The following DYNC1LI1 variants were observed in gnomAD, a reference collection of about 807,000 sequenced individuals.
DYNC1LI1 encodes the protein cytoplasmic dynein 1 light intermediate chain 1.
Under a neutral mutation model 63.8 loss-of-function variants are expected in DYNC1LI1, and 19 were observed. The observed-to-expected ratio is 0.30, with a 90% confidence interval of 0.21 to 0.44. The LOEUF (loss-of-function observed/expected upper bound fraction) is 0.44. DYNC1LI1 is among the 20% of genes least tolerant of loss of function. The pLI is 1.00. For missense variants in DYNC1LI1, 565 were observed against 630.2 expected, an observed-to-expected ratio of 0.90 and a Z score of 1.11; for synonymous variants, 225 against 232.3, an observed-to-expected ratio of 0.97 and a Z score of 0.28.
chr3:32,547,950 T>C (rs142442426), intron 2 of DYNC1LI1, among the ~76,000 whole-genome samples: 102 of 152,228 alleles, frequency 6.7e-4, no homozygotes, highest in African/African-American at 1.9e-3. Flanking sequence ...TATTGCATTG[T>C]GGGTATGTGT....
chr3:32,534,401 T>C (rs1697747160), intron 7 of DYNC1LI1, 110 bp downstream of exon 7: 2 of 773,926 alleles, frequency 2.6e-6, no homozygotes, highest in Admixed American at 2.8e-5. Flanking sequence ...AGATTCTCAC[T>C]TTCTCATCAT....
chr3:32,541,215 C>A lies in DYNC1LI1; in HGVS notation c.569-9G>T. ...TTGGAAGTCTCTAATCACTGAAAAT[C>A]AAAGTAAACACAATTTAGAAATTGC... On this transcript the variant is annotated splice_polypyrimidine_tract_variant and intron_variant, in intron 4 of 12. Transcript: ENST00000273130. 1 of 1,554,568 alleles carries A rather than the reference C, an allele frequency of 6.4e-7. No individual in the cohort carries two copies. Among genetic ancestry groups the A allele is most frequent in the South Asian group, 1.2e-5 (1 of 82,660 alleles).
chr3:32,530,218 A>T, intron 10 of DYNC1LI1, 66 bp downstream of exon 10: 1 of 1,295,486 alleles, frequency 7.7e-7, no homozygotes, highest in Non-Finnish European at 1.1e-6. Context: ...GTACATAATT[A>T]ATAAAAAATA....
intron 2 of DYNC1LI1, among the ~76,000 whole-genome samples, chr3:32,549,021 T>G (rs1697996523): frequency 6.6e-6 from 1 of 152,106 alleles, no homozygotes; most frequent in South Asian, 2.1e-4. Context: ...TTTAAAATGC[T>G]TAAAATGGAA....
rs541614483 is a variant in DYNC1LI1 at position 32,558,597 on chromosome 3, G to A, written c.220+11749C>T. ...GCGGTGGCTCACGCCTGTAATCCCA[G>A]CACTTTGGGAGGCCGAGGCGGGCCG... On this transcript the variant is annotated intron_variant, in intron 2 of 12. Coordinates refer to ENST00000273130, the MANE Select transcript of DYNC1LI1 (RefSeq NM_016141.4). 1.1e-4 allele frequency among the ~76,000 whole-genome samples: 16 copies of A among 152,138 alleles called. No homozygotes were observed. In the South Asian group the frequency reaches 3.3e-3, roughly 32 times the overall value.
chr3:32,570,514 G>A (rs959922277), intron 1 of DYNC1LI1, 95 bp from the exon 2 acceptor site: 1 of 1,480,922 alleles, frequency 6.8e-7, no homozygotes, highest in Admixed American at 2.2e-5. Flanking sequence ...TGGGGCTGCC[G>A]GGAACGCAGT....
rs1000535037 is a variant in DYNC1LI1, at chr3:32,545,517, G to A, written c.337+332C>T. 5 of 337,666 alleles carry A rather than the reference G, an allele frequency of 1.5e-5. No homozygotes were observed. In the East Asian group the frequency reaches 3.7e-4, roughly 25 times the overall value. 20.9% of individuals were successfully genotyped at this position (337,666 alleles called of 1,614,324 possible). A position where few individuals can be genotyped will look rare whatever the true frequency, so the allele number is the denominator to read the frequency against. ...AGCTGATAGATAAAAAAGCTGAGTA[G>A]ATAATATTTTTATCAGAAAATTAGA... On this transcript the variant is annotated intron_variant, in intron 3 of 12. Coordinates refer to ENST00000273130, the MANE Select transcript of DYNC1LI1 (RefSeq NM_016141.4).
chr3:32,562,851 CTT>C (rs986551756), intron 2 of DYNC1LI1, among the ~76,000 whole-genome samples: 14 of 152,290 alleles, frequency 9.2e-5, no homozygotes, highest in African/African-American at 3.4e-4. Context: ...GAGGCTGACT[CTT>C]AAGATCTTGT....
intron 8 of DYNC1LI1, 99 bp from the exon 9 acceptor site, chr3:32,530,619 A>G: frequency 9.5e-7 from 1 of 1,057,998 alleles, no homozygotes. Context: ...ACAGTTCAAG[A>G]ATTTGAACAT....
chr3:32,560,415 A>C (rs966871311), intron 2 of DYNC1LI1, among the ~76,000 whole-genome samples: 1 of 152,206 alleles, frequency 6.6e-6, no homozygotes, highest in Non-Finnish European at 1.5e-5. Flanking sequence ...CCTGGGCAAC[A>C]CAGTAAGACT....
rs1465840660 is a variant in DYNC1LI1, at chr3:32,534,677, A to G, written c.833-31T>C. On this transcript the variant is annotated intron_variant, in intron 6 of 12. Coordinates refer to ENST00000273130, the MANE Select transcript of DYNC1LI1 (RefSeq NM_016141.4). Reference sequence around the variant, plus strand: ...TAATATGGTTAAAGAAAAATTCTGGACAAATGTCATGAGCAAATACCATAA... The same window carrying G: ...TAATATGGTTAAAGAAAAATTCTGGGCAAATGTCATGAGCAAATACCATAA... The G allele has an allele frequency of 4.0e-6, 6 of 1,505,580 alleles. No individual in the cohort carries two copies. In the East Asian group the frequency reaches 1.4e-4, roughly 36 times the overall value. 93.3% of individuals were successfully genotyped at this position (1,505,580 alleles called of 1,614,324 possible).
At chr3:32,538,201 T>C (rs1210153702) in intron 5 of DYNC1LI1, among the ~76,000 whole-genome samples, 1 of 138,378 alleles carries the variant, frequency 7.2e-6, no homozygotes, top group Non-Finnish European at 1.5e-5. Flanking sequence ...AGTTCAAGAC[T>C]ACCTGGGCAA....
rs749152478 is a variant in DYNC1LI1 at position 32,570,645 on chromosome 3, G to A, written c.126C>T (p.Asp42=). 6.3e-7 allele frequency: 1 copy of A among 1,590,936 alleles called. No homozygotes were observed. Among genetic ancestry groups the A allele is most frequent in the Non-Finnish European group, 8.6e-7 (1 of 1,169,456 alleles). Residue 42 remains aspartate, a synonymous_variant, in exon 1 of 13, where the codon GAC becomes GAT. Coordinates refer to ENST00000273130, the MANE Select transcript of DYNC1LI1 (RefSeq NM_016141.4). ...SGNGGAAAGD[D]EDGQNLWSCI... ...GTTACCAAAGGTTCTGCCCGTCCTC[G>A]TCGTCGCCTGCCGCGGCGCCACCGT...
At chr3:32,546,671 G>C (rs988958805) in intron 2 of DYNC1LI1, among the ~76,000 whole-genome samples, 1 of 152,122 alleles carries the variant, frequency 6.6e-6, no homozygotes, top group Admixed American at 6.6e-5. Flanking sequence ...GGCCCAGTTT[G>C]AGTTATATGT....
rs1299316148 is a variant in DYNC1LI1 at position 32,562,004 on chromosome 3, G to C, written c.220+8342C>G. Among the ~76,000 whole-genome samples, 5 of 152,124 alleles carry C rather than the reference G, an allele frequency of 3.3e-5. No individual in the cohort carries two copies. The East Asian group carries it at 9.6e-4, about 29-fold the overall frequency. ...ATGAACATGACCTGGTGTGTTAATA[G>C]ACGCTCATACCTATAACCCTAGCAC... On this transcript the variant is annotated intron_variant, in intron 2 of 12. Transcript: ENST00000273130.
Position 32,570,792 on chromosome 3 carries a change from T to A in DYNC1LI1, c.-22A>T, listed in dbSNP as rs752735586. 1 of 1,588,286 alleles carries A rather than the reference T, an allele frequency of 6.3e-7. No individual in the cohort carries two copies. The highest frequency in any genetic ancestry group is 8.6e-7 in the Non-Finnish European group (1 of 1,166,360). The stretch of plus-strand genomic sequence containing the variant: ...CCATCTTGGTCGGGAATCACACCAC[T>A]CCCGGCAAGACTAAATGTGCGAGGC... On this transcript the variant is annotated 5_prime_UTR_variant, in exon 1 of 13. Transcript: ENST00000273130.
chr3:32,557,144 TCTTTA>T (rs886306360), intron 2 of DYNC1LI1, among the ~76,000 whole-genome samples: 13 of 152,184 alleles, frequency 8.5e-5, no homozygotes, highest in Admixed American at 2.0e-4. Flanking sequence ...AACCCTCTTC[TCTTTA>T]TTCACCTATA....
At chr3:32,537,833 T>C (rs1697794857) in intron 5 of DYNC1LI1, among the ~76,000 whole-genome samples, 1 of 128,592 alleles carries the variant, frequency 7.8e-6, no homozygotes, top group Non-Finnish European at 1.6e-5. Context: ...ACACCTAATA[T>C]TAGTTTGGGG....
intron 2 of DYNC1LI1, among the ~76,000 whole-genome samples, chr3:32,551,870 A>G (rs964864933): frequency 2.6e-5 from 4 of 152,118 alleles, no homozygotes; most frequent in African/African-American, 4.8e-5. Context: ...TTCCTTCCTC[A>G]GTCCTCTGCC....
Sources: allele counts gnomAD v4.1 joint callset (sites outside exome capture counted in the v4.1 genomes callset), GRCh38; gene constraint gnomAD v4.1.1; transcripts MANE v1.5; gene names NCBI Gene and HGNC (gene_info 2026-07-23, HGNC 2026-07-21).